Variants in RALGAPA2 observed in about 807,000 individuals in gnomAD.
RALGAPA2 encodes the protein ral GTPase-activating protein subunit alpha-2.
A neutral mutation model predicts 230.4 loss-of-function variants in RALGAPA2; 139 were observed. That is an observed-to-expected ratio of 0.60 (90% CI 0.53 to 0.69). The LOEUF (loss-of-function observed/expected upper bound fraction) is 0.69, where lower values mean the gene tolerates loss of function less well. Among genes scored for constraint, RALGAPA2 ranks in the 30% least tolerant of loss-of-function variants. The pLI is 0.00. For missense variants in RALGAPA2, 2,163 were observed against 2,276.0 expected (o/e 0.95, Z 1.01); for synonymous variants, 847 against 837.8 (o/e 1.01, Z -0.19).
intron 1 of RALGAPA2, among the ~76,000 whole-genome samples, chr20:20,682,128 C>T (rs529490008): frequency 2.0e-5 from 3 of 152,210 alleles, no homozygotes; most frequent in South Asian, 4.1e-4. Context: ...CAAAAATGTG[C>T]CCTGGCTCTT....
At chr20:20,662,396 C>T (rs966176121) in intron 3 of RALGAPA2, among the ~76,000 whole-genome samples, 9 of 151,798 alleles carry the variant, frequency 5.9e-5, no homozygotes, top group Admixed American at 1.3e-4. Context: ...CATTGTGATT[C>T]GCATATAACA....
At chr20:20,614,044 ATAGT>A (rs1165882248) in intron 13 of RALGAPA2, among the ~76,000 whole-genome samples, 1 of 152,190 alleles carries the variant, frequency 6.6e-6, no homozygotes, top group Non-Finnish European at 1.5e-5. Flanking sequence ...TAGAAGCTCG[ATAGT>A]TATTTATTAG....
chr20:20,680,853 A>G, intron 1 of RALGAPA2, 52 bp from the exon 2 acceptor site: 1 of 1,511,486 alleles, frequency 6.6e-7, no homozygotes, highest in Non-Finnish European at 8.8e-7. Context: ...AAATCACAAG[A>G]ATTTAGAAAC....
At chr20:20,506,607 C>G (rs1216540621) in intron 33 of RALGAPA2, among the ~76,000 whole-genome samples, 3 of 151,998 alleles carry the variant, frequency 2.0e-5, no homozygotes, top group Non-Finnish European at 2.9e-5. Flanking sequence ...TTTTTTTGCA[C>G]TACATTCTGA....
At chr20:20,421,499 T>C (rs1170717287) in intron 37 of RALGAPA2, among the ~76,000 whole-genome samples, 1 of 152,100 alleles carries the variant, frequency 6.6e-6, no homozygotes, top group African/African-American at 2.4e-5. Context: ...GGAGAAACCC[T>C]GTCTCTACTA....
At chr20:20,541,430 T>C (rs1602712099) in intron 24 of RALGAPA2, among the ~76,000 whole-genome samples, 1 of 152,210 alleles carries the variant, frequency 6.6e-6, no homozygotes, top group African/African-American at 2.4e-5. Flanking sequence ...CAATATGACA[T>C]TCTTGTGCTT....
chr20:20,699,486 G>C (rs2146971851), intron 1 of RALGAPA2, among the ~76,000 whole-genome samples: 1 of 152,326 alleles, frequency 6.6e-6, no homozygotes, highest in East Asian at 1.9e-4. Flanking sequence ...TTTACACCAG[G>C]AATATGACCA....
chr20:20,625,133 AC>A (rs2066451521), intron 10 of RALGAPA2, among the ~76,000 whole-genome samples: 1 of 151,884 alleles, frequency 6.6e-6, no homozygotes, highest in Non-Finnish European at 1.5e-5. Flanking sequence ...GCCTATCTGC[AC>A]CCACCTGTTT....
At chr20:20,432,301 G>C (rs899421033) in intron 37 of RALGAPA2, among the ~76,000 whole-genome samples, 1 of 152,282 alleles carries the variant, frequency 6.6e-6, no homozygotes, top group South Asian at 2.1e-4. Context: ...CTCCTTTGCT[G>C]GTTATAAGGA....
At chr20:20,561,987 T>C (rs2145843791) in intron 23 of RALGAPA2, among the ~76,000 whole-genome samples, 1 of 152,248 alleles carries the variant, frequency 6.6e-6, no homozygotes, top group Non-Finnish European at 1.5e-5. Context: ...GGGGGCAAAA[T>C]TCCCCTGCCC....
intron 34 of RALGAPA2, chr20:20,504,989 T>A: frequency 1.0e-6 from 1 of 983,636 alleles, no homozygotes; most frequent in Non-Finnish European, 1.2e-6. Flanking sequence ...ATCATGGCTA[T>A]TATATTATAT....
intron 23 of RALGAPA2, among the ~76,000 whole-genome samples, chr20:20,564,007 T>C (rs2064336649): frequency 6.6e-6 from 1 of 152,210 alleles, no homozygotes; most frequent in South Asian, 2.1e-4. Flanking sequence ...GTGTTTGTTG[T>C]CATCATTCTT....
intron 37 of RALGAPA2, among the ~76,000 whole-genome samples, chr20:20,412,742 T>A (rs887165878): frequency 3.4e-4 from 51 of 148,258 alleles, no homozygotes; most frequent in Admixed American, 3.3e-3. Context: ...CAGTGCAATT[T>A]AAAAAAAAAA....
intron 37 of RALGAPA2, among the ~76,000 whole-genome samples, chr20:20,453,830 G>C (rs1437861061): frequency 6.6e-6 from 1 of 152,232 alleles, no homozygotes; most frequent in Non-Finnish European, 1.5e-5. Flanking sequence ...TTTGTTGAAT[G>C]AATGAGTACA....
intron 2 of RALGAPA2, 28 bp from the exon 3 acceptor site, chr20:20,676,316 C>G (rs746165871): frequency 6.8e-7 from 1 of 1,468,120 alleles, no homozygotes; most frequent in South Asian, 1.2e-5. Flanking sequence ...AATTAGTTAT[C>G]ATGACATCAT....
intron 26 of RALGAPA2, among the ~76,000 whole-genome samples, chr20:20,532,183 C>T (rs2063384311): frequency 6.6e-6 from 1 of 152,100 alleles, no homozygotes; most frequent in Admixed American, 6.5e-5. Flanking sequence ...TAATTGTTTT[C>T]TTTACCATAA....
At chr20:20,425,278 C>T (rs1239797938) in intron 37 of RALGAPA2, among the ~76,000 whole-genome samples, 1 of 152,184 alleles carries the variant, frequency 6.6e-6, no homozygotes, top group Non-Finnish European at 1.5e-5. Flanking sequence ...AGGCACGACA[C>T]AACTGAATTT....
Position 20,591,346 on chromosome 20 carries a change from A to C in RALGAPA2, c.2204-32T>G, listed in dbSNP as rs745810481. The C allele has an allele frequency of 1.6e-5, 25 of 1,588,702 alleles. No homozygotes were observed. The South Asian group carries it at 2.5e-4, about 16-fold the overall frequency. On this transcript the variant is annotated intron_variant, in intron 16 of 39. Coordinates refer to ENST00000202677, the MANE Select transcript of RALGAPA2 (RefSeq NM_020343.4). ...GCATTAACAAAACATGCAAAGTTAC[A>C]GTTCAAGTTTTTAAAAAACACATTC...
At chr20:20,517,709 C>T (rs930280800) in intron 31 of RALGAPA2, among the ~76,000 whole-genome samples, 1 of 151,638 alleles carries the variant, frequency 6.6e-6, no homozygotes, top group Non-Finnish European at 1.5e-5. Flanking sequence ...TCTCTATAAC[C>T]AAGAAACTCA....
Sources: allele counts gnomAD v4.1 joint callset (sites outside exome capture counted in the v4.1 genomes callset), GRCh38; gene constraint gnomAD v4.1.1; transcripts MANE v1.5; gene names NCBI Gene and HGNC (gene_info 2026-07-23, HGNC 2026-07-21).